The following MEF2C variants were observed in gnomAD, a reference collection of about 807,000 sequenced individuals.
The protein encoded by MEF2C is myocyte-specific enhancer factor 2C.
MEF2C carries 6 observed loss-of-function variants against 50.5 expected under a neutral mutation model. The ratio of observed to expected loss-of-function variants is 0.12; its 90% CI spans 0.07 to 0.23. MEF2C has a LOEUF of 0.23. Among genes scored for constraint, MEF2C ranks in the 10% least tolerant of loss-of-function variants. The probability of loss-of-function intolerance (pLI) is 1.00; values close to 1 mark genes in which losing one functional copy is unlikely to be tolerated. For missense variants in MEF2C, 276 were observed against 605.0 expected (o/e 0.46, Z 5.70); for synonymous variants, 183 against 228.0 (o/e 0.80, Z 1.78).
chr5:88,882,650 A>T (rs1204668559), intron 1 of MEF2C, among the ~76,000 whole-genome samples: 2 of 152,218 alleles, frequency 1.3e-5, no homozygotes, highest in Non-Finnish European at 2.9e-5. Context: ...ACGCTCCACC[A>T]TATCAAACAT....
intron 6 of MEF2C, 32 bp from the exon 7 acceptor site, chr5:88,731,933 A>G (rs199829696): frequency 6.8e-5 from 108 of 1,587,320 alleles, no homozygotes; most frequent in Non-Finnish European, 9.1e-5. Context: ...GCATTTAGGA[A>G]GAAATCTAGG....
chr5:88,736,440 G>A lies in MEF2C; in HGVS notation c.638-4539C>T, dbSNP rs1391388255. On this transcript the variant is annotated intron_variant, in intron 6 of 10. Transcript: ENST00000504921. ...ACCCGGGAAGCGGAGCTTGCAGTGA[G>A]CCGAGATTGCGCCACTGCAGTCCGC... Among the ~76,000 whole-genome samples the A allele has an allele frequency of 1.3e-4, 2 of 15,550 alleles. 1 individual carries two copies. The highest frequency in any genetic ancestry group is 4.6e-4 in the Non-Finnish European group (2 of 4,310). The allele number at this position is 15,550 out of a possible 152,430, so 10.2% of individuals were successfully genotyped here.
At chr5:88,824,607 A>G (rs1244336988) in intron 1 of MEF2C, among the ~76,000 whole-genome samples, 1 of 151,942 alleles carries the variant, frequency 6.6e-6, no homozygotes. Context: ...CTTAGATAAC[A>G]AGAATCAAAA....
intron 3 of MEF2C, among the ~76,000 whole-genome samples, chr5:88,797,903 A>G (rs1796680207): frequency 6.6e-6 from 1 of 152,138 alleles, no homozygotes; most frequent in Admixed American, 6.5e-5. Flanking sequence ...TTCACTTATG[A>G]AGCTTAGTTT....
At chr5:88,804,512 A>G (rs1292257944) in intron 3 of MEF2C, 86 bp downstream of exon 3, 76 of 1,173,490 alleles carry the variant, frequency 6.5e-5, no homozygotes, top group Non-Finnish European at 9.0e-5. Context: ...GAAAAAGAAC[A>G]TGATGTGTGT....
At chr5:88,889,221 G>A (rs933863746) in intron 1 of MEF2C, 5 of 152,222 alleles carry the variant, frequency 3.3e-5, no homozygotes, top group Non-Finnish European at 7.3e-5. Context: ...ATTGCAGGCA[G>A]CAACAATCCC....
intron 3 of MEF2C, among the ~76,000 whole-genome samples, chr5:88,793,616 GTATC>G (rs1281598687): frequency 8.6e-5 from 13 of 151,962 alleles, no homozygotes; most frequent in African/African-American, 2.7e-4. Flanking sequence ...TGTATAATAT[GTATC>G]TATATAGCAC....
chr5:88,745,742 G>A (rs888102671), intron 6 of MEF2C, among the ~76,000 whole-genome samples: 1 of 152,174 alleles, frequency 6.6e-6, no homozygotes, highest in African/African-American at 2.4e-5. Context: ...TTGAGACCAG[G>A]AGATTGAGGC....
At chr5:88,732,086 G>A (rs185163379) in intron 6 of MEF2C, among the ~76,000 whole-genome samples, 185 bp from the exon 7 acceptor site, 1 of 152,258 alleles carries the variant, frequency 6.6e-6, no homozygotes, top group Admixed American at 6.5e-5. Flanking sequence ...TCCTCTGAAG[G>A]AAGATTAAAA....
chr5:88,900,406 C>CT (rs1835530233), intron 1 of MEF2C, among the ~76,000 whole-genome samples: 1 of 151,508 alleles, frequency 6.6e-6, no homozygotes, highest in Admixed American at 6.6e-5. Context: ...TACTCCCAAT[C>CT]TTAAAAAAAA....
chr5:88,741,775 A>T, intron 6 of MEF2C: 1 of 985,168 alleles, frequency 1.0e-6, no homozygotes, highest in Non-Finnish European at 1.2e-6. Context: ...AGAAATTGTA[A>T]AAAGAAGGCA....
At chr5:88,809,104 A>G (rs1801707143) in intron 2 of MEF2C, among the ~76,000 whole-genome samples, 1 of 152,064 alleles carries the variant, frequency 6.6e-6, no homozygotes, top group South Asian at 2.1e-4. Context: ...TATATTTTTG[A>G]ATCTTTAAAT....
At chr5:88,798,633 T>G (rs1797008354) in intron 3 of MEF2C, among the ~76,000 whole-genome samples, 1 of 152,158 alleles carries the variant, frequency 6.6e-6, no homozygotes, top group African/African-American at 2.4e-5. Flanking sequence ...TTCTGAAGCC[T>G]ATTTCTGTCA....
At chr5:88,833,907 C>CTT (rs1189329128) in intron 1 of MEF2C, among the ~76,000 whole-genome samples, 1 of 152,064 alleles carries the variant, frequency 6.6e-6, no homozygotes, top group Non-Finnish European at 1.5e-5. Context: ...GAAGCCCTTG[C>CTT]CAAAACTCTG....
At chr5:88,812,120 A>G (rs947390553) in intron 2 of MEF2C, among the ~76,000 whole-genome samples, 11 of 152,078 alleles carry the variant, frequency 7.2e-5, no homozygotes, top group African/African-American at 2.7e-4. Context: ...CATACTGTAA[A>G]AGACTGGTCT....
chr5:88,770,028 G>C (rs1295414025), intron 3 of MEF2C: 1 of 983,768 alleles, frequency 1.0e-6, no homozygotes, highest in African/African-American at 1.7e-5. Flanking sequence ...TTTGAAGAAT[G>C]GGCAATGTTA....
chr5:88,799,599 G>A (rs1797433089), intron 3 of MEF2C, among the ~76,000 whole-genome samples: 1 of 152,106 alleles, frequency 6.6e-6, no homozygotes, highest in Non-Finnish European at 1.5e-5. Flanking sequence ...TTAGCTCGTT[G>A]ATAACTTTCA....
At chr5:88,842,361 G>A (rs1817688140) in intron 1 of MEF2C, among the ~76,000 whole-genome samples, 1 of 151,854 alleles carries the variant, frequency 6.6e-6, no homozygotes, top group South Asian at 2.1e-4. Context: ...AAAAAATCTA[G>A]TAAAACAAGA....
At chr5:88,765,712 G>T (rs1185694207) in intron 3 of MEF2C, among the ~76,000 whole-genome samples, 1 of 152,148 alleles carries the variant, frequency 6.6e-6, no homozygotes, top group Admixed American at 6.5e-5. Flanking sequence ...TTTTACAGGG[G>T]CTGGAAGTCC....
Sources: allele counts gnomAD v4.1 joint callset (sites outside exome capture counted in the v4.1 genomes callset), GRCh38; gene constraint gnomAD v4.1.1; transcripts MANE v1.5; gene names NCBI Gene and HGNC (gene_info 2026-07-23, HGNC 2026-07-21).